The following DTNB variants were observed in gnomAD, a reference collection of about 807,000 sequenced individuals.
DTNB encodes dystrobrevin beta, also known as DTN-B.
Under a neutral mutation model 90.7 loss-of-function variants are expected in DTNB, and 63 were observed. The ratio of observed to expected loss-of-function variants is 0.69; its 90% confidence interval spans 0.57 to 0.86. DTNB has a LOEUF of 0.86. Among genes scored for constraint, DTNB ranks in the 40% least tolerant of loss-of-function variants. The probability of loss-of-function intolerance (pLI) is 0.00; values close to 1 mark genes in which losing one functional copy is unlikely to be tolerated. For missense variants in DTNB, 744 were observed against 807.1 expected (o/e 0.92, Z 0.95); for synonymous variants, 277 against 286.7 (o/e 0.97, Z 0.34).
intron 8 of DTNB, among the ~76,000 whole-genome samples, chr2:25,574,595 C>T (rs764984476): frequency 3.3e-5 from 5 of 152,140 alleles, no homozygotes; most frequent in African/African-American, 4.8e-5. Context: ...TTGTTCAAAA[C>T]GTTAGTATAA....
At chr2:25,384,511 C>T (rs1052653487) in intron 18 of DTNB, among the ~76,000 whole-genome samples, 3 of 152,072 alleles carry the variant, frequency 2.0e-5, no homozygotes, top group Non-Finnish European at 2.9e-5. Context: ...TGAATAGGAG[C>T]CTTGGAAAAT....
intron 16 of DTNB, among the ~76,000 whole-genome samples, chr2:25,408,166 G>T (rs1294319235): frequency 2.6e-5 from 4 of 151,956 alleles, no homozygotes; most frequent in African/African-American, 9.7e-5. Flanking sequence ...AAAATTAGCC[G>T]GGTGTAGTGG....
At chr2:25,403,619 A>AC (rs2044316354) in intron 16 of DTNB, among the ~76,000 whole-genome samples, 1 of 152,150 alleles carries the variant, frequency 6.6e-6, no homozygotes, top group Admixed American at 6.5e-5. Flanking sequence ...GCCAGCTGGG[A>AC]CCTATCAGTG....
intron 8 of DTNB, among the ~76,000 whole-genome samples, chr2:25,539,009 A>C (rs1380848777): frequency 6.6e-6 from 1 of 152,214 alleles, no homozygotes; most frequent in Non-Finnish European, 1.5e-5. Flanking sequence ...TTCTCTATAT[A>C]GTCTTCTGCG....
intron 16 of DTNB, among the ~76,000 whole-genome samples, chr2:25,395,080 C>T (rs1190410878): frequency 6.6e-6 from 1 of 152,152 alleles, no homozygotes; most frequent in Non-Finnish European, 1.5e-5. Context: ...GCATTCACAG[C>T]CACCTGGATG....
intron 1 of DTNB, among the ~76,000 whole-genome samples, chr2:25,656,561 T>G (rs777342262): frequency 3.9e-5 from 6 of 152,210 alleles, no homozygotes; most frequent in Admixed American, 2.6e-4. Context: ...TTTCAAACCC[T>G]GCCATTTCCT....
chr2:25,390,449 CTTTT>C (rs1479783558), intron 16 of DTNB, among the ~76,000 whole-genome samples: 1 of 145,276 alleles, frequency 6.9e-6, no homozygotes, highest in Non-Finnish European at 1.5e-5. Context: ...TTCGTCTTCT[CTTTT>C]TTTTTTTTGA....
intron 7 of DTNB, 127 bp from the exon 8 acceptor site, chr2:25,577,131 A>C (rs2060806264): frequency 8.9e-7 from 1 of 1,126,194 alleles, no homozygotes; most frequent in African/African-American, 1.6e-5. Flanking sequence ...TAATATAAAA[A>C]CAAAGGTAAA....
At chr2:25,615,806 G>C (rs1553609792) in intron 4 of DTNB, among the ~76,000 whole-genome samples, 1 of 152,086 alleles carries the variant, frequency 6.6e-6, no homozygotes, top group Non-Finnish European at 1.5e-5. Flanking sequence ...AAATCAACAG[G>C]ATCATTTCTT....
chr2:25,604,256 G>A (rs888072694), intron 5 of DTNB, among the ~76,000 whole-genome samples: 34 of 152,036 alleles, frequency 2.2e-4, no homozygotes, highest in Admixed American at 8.5e-4. Context: ...CTCAAAATAG[G>A]AGGAGTAGAC....
At chr2:25,527,587 C>T (rs889782699) in intron 9 of DTNB, among the ~76,000 whole-genome samples, 3 of 151,868 alleles carry the variant, frequency 2.0e-5, no homozygotes, top group Non-Finnish European at 4.4e-5. Context: ...CCCATTAGCA[C>T]ACATACTGTG....
At chr2:25,395,731 A>C (rs1403945869) in intron 16 of DTNB, among the ~76,000 whole-genome samples, 1 of 152,170 alleles carries the variant, frequency 6.6e-6, no homozygotes, top group Non-Finnish European at 1.5e-5. Flanking sequence ...GTAATTGATA[A>C]AGGTACTTCC....
intron 4 of DTNB, 95 bp from the exon 5 acceptor site, chr2:25,607,416 C>T: frequency 8.5e-7 from 1 of 1,177,172 alleles, no homozygotes. Context: ...TAAGTTGATT[C>T]CTGACCTTGT....
chr2:25,476,797 G>A (rs2063828275), intron 10 of DTNB, among the ~76,000 whole-genome samples: 1 of 152,238 alleles, frequency 6.6e-6, no homozygotes, highest in Non-Finnish European at 1.5e-5. Flanking sequence ...AAGATGCTGT[G>A]AACATCACTG....
intron 8 of DTNB, among the ~76,000 whole-genome samples, chr2:25,566,275 A>G (rs2123826): frequency 0.74 from 111,847 of 151,922 alleles, 41,820 homozygotes; most frequent in Middle Eastern, 0.82. Context: ...TGGGGACCTC[A>G]GCACCACAGG....
chr2:25,642,509 G>A (rs2078562007), intron 2 of DTNB, among the ~76,000 whole-genome samples: 1 of 151,292 alleles, frequency 6.6e-6, no homozygotes, highest in Non-Finnish European at 1.5e-5. Flanking sequence ...TGACCTCTCG[G>A]GCTCAGGTGA....
At chr2:25,400,950 A>G (rs2043567631) in intron 16 of DTNB, among the ~76,000 whole-genome samples, 2 of 152,226 alleles carry the variant, frequency 1.3e-5, no homozygotes, top group African/African-American at 4.8e-5. Context: ...GACCCTGAGA[A>G]CCCGAGAAAG....
At chr2:25,391,037 C>A (rs1324088550) in intron 16 of DTNB, among the ~76,000 whole-genome samples, 1 of 151,882 alleles carries the variant, frequency 6.6e-6, no homozygotes, top group East Asian at 1.9e-4. Flanking sequence ...GCTGGGACTA[C>A]AGGTGCCCGT....
intron 9 of DTNB, among the ~76,000 whole-genome samples, chr2:25,487,107 G>A (rs1407247472): frequency 6.6e-6 from 1 of 152,170 alleles, no homozygotes; most frequent in East Asian, 1.9e-4. Flanking sequence ...TAAAGGGAAA[G>A]CATCACTGTT....
Sources: gnomAD v4.1 joint callset for allele counts (sites outside exome capture counted in the v4.1 genomes callset) on GRCh38, gnomAD v4.1.1 for gene constraint, MANE v1.5 for transcripts, NCBI Gene and HGNC (gene_info 2026-07-23, HGNC 2026-07-21) for gene names.